Variants in EPC2 observed in about 807,000 individuals in gnomAD.
The protein encoded by EPC2 is enhancer of polycomb homolog 2.
A neutral mutation model predicts 92.1 loss-of-function variants in EPC2; 14 were observed. That is an observed-to-expected ratio of 0.15 (90% confidence interval 0.10 to 0.24). The LOEUF (loss-of-function observed/expected upper bound fraction) is 0.24, where lower values mean the gene tolerates loss of function less well. Ranked by LOEUF, EPC2 falls within the 10% of genes least tolerant of loss-of-function variation. The pLI is 1.00. For missense variants in EPC2, 755 were observed against 971.5 expected (o/e 0.78, Z 2.96); for synonymous variants, 340 against 334.7 (o/e 1.02, Z -0.17).
intron 1 of EPC2, among the ~76,000 whole-genome samples, chr2:148,646,642 G>C (rs1683807840): frequency 6.6e-6 from 1 of 150,938 alleles, no homozygotes; most frequent in Admixed American, 6.6e-5. Context: ...GTTTTCCATG[G>C]GAAGGAAAAT....
chr2:148,778,100 A>G (rs1247176625), intron 10 of EPC2, among the ~76,000 whole-genome samples: 2 of 152,196 alleles, frequency 1.3e-5, no homozygotes, highest in African/African-American at 4.8e-5. Context: ...GAGTATTGAA[A>G]TACTCCTACC....
chr2:148,683,674 T>C (rs1305434831), intron 1 of EPC2, among the ~76,000 whole-genome samples: 4 of 152,334 alleles, frequency 2.6e-5, no homozygotes, highest in African/African-American at 9.6e-5. Flanking sequence ...AGAATAATGG[T>C]CTTCAACTCT....
chr2:148,653,855 T>C (rs1337573366), intron 1 of EPC2, among the ~76,000 whole-genome samples: 1 of 152,156 alleles, frequency 6.6e-6, no homozygotes, highest in Non-Finnish European at 1.5e-5. Flanking sequence ...ACTTGCCTTA[T>C]GGGTGAGGTA....
At chr2:148,764,673 C>T (rs1367630513) in intron 6 of EPC2, among the ~76,000 whole-genome samples, 1 of 152,014 alleles carries the variant, frequency 6.6e-6, no homozygotes, top group African/African-American at 2.4e-5. Flanking sequence ...CTTTTAAATA[C>T]TGGATTACAT....
intron 3 of EPC2, among the ~76,000 whole-genome samples, chr2:148,751,528 T>C (rs560787561): frequency 1.3e-4 from 20 of 152,228 alleles, no homozygotes; most frequent in African/African-American, 4.6e-4. Context: ...TTATTTTTAA[T>C]TTTTTTAGAG....
At chr2:148,670,428 A>G (rs1434802112) in intron 1 of EPC2, among the ~76,000 whole-genome samples, 1 of 151,872 alleles carries the variant, frequency 6.6e-6, no homozygotes, top group Non-Finnish European at 1.5e-5. Flanking sequence ...GTTTTTTAGT[A>G]TATTCACAAT....
chr2:148,738,459 A>G (rs181497915), intron 2 of EPC2, among the ~76,000 whole-genome samples: 2 of 152,362 alleles, frequency 1.3e-5, no homozygotes, highest in East Asian at 3.9e-4. Flanking sequence ...TAGAAAAATT[A>G]TAGTGTGGTT....
At chr2:148,709,157 C>CA (rs1310565594) in intron 2 of EPC2, among the ~76,000 whole-genome samples, 2 of 152,160 alleles carry the variant, frequency 1.3e-5, no homozygotes, top group Non-Finnish European at 2.9e-5. Context: ...TCTCAGGATA[C>CA]AAAATCAGTA....
chr2:148,674,936 T>A (rs565501279), intron 1 of EPC2, among the ~76,000 whole-genome samples: 4 of 152,360 alleles, frequency 2.6e-5, no homozygotes, highest in South Asian at 4.1e-4. Flanking sequence ...CTTCGTAGTC[T>A]TTTGTTCCTA....
chr2:148,778,637 C>T (rs532247213), intron 10 of EPC2, among the ~76,000 whole-genome samples: 2 of 149,526 alleles, frequency 1.3e-5, no homozygotes, highest in African/African-American at 4.9e-5. Flanking sequence ...ACCACTTTTC[C>T]TCCTCCCTGA....
At position 148,654,642 on chromosome 2, in the gene EPC2, A is replaced by T. The variant is rs543665503; in HGVS notation, c.153+9472A>T. Among the ~76,000 whole-genome samples, 5 of 152,324 alleles carry T rather than the reference A, an allele frequency of 3.3e-5. No homozygotes were observed. In the South Asian group the frequency reaches 1.0e-3, roughly 32 times the overall value. On this transcript the variant is annotated intron_variant, in intron 1 of 13. Coordinates refer to ENST00000258484, the MANE Select transcript of EPC2 (RefSeq NM_015630.4). ...CACTGCACGCCAGCCTGGATGACAG[A>T]GTGAGACTGAGGCCCTGTCTCTTAG... is the stretch of plus-strand genomic sequence containing the variant.
At position 148,733,479 on chromosome 2, in the gene EPC2, A is replaced by ATTTTTTTTTTTTTTTTTTTTTTTTTT. The variant is rs34219179; in HGVS notation, c.314-10132_314-10107dup. Among the ~76,000 whole-genome samples, 4 of 26,648 alleles carry ATTTTTTTTTTTTTTTTTTTTTTTTTT rather than the reference A, an allele frequency of 1.5e-4. 2 individuals are homozygous for ATTTTTTTTTTTTTTTTTTTTTTTTTT. The highest frequency in any genetic ancestry group is 5.2e-4 in the African/African-American group (4 of 7,692). The allele number at this position is 26,648 out of a possible 152,430, so 17.5% of individuals were successfully genotyped here. Reference sequence around the variant, plus strand: ...CTTTCTCTTTTCTTTCTCTCTCTGGATTTTTTTTTTTTTTTTTTTTTTTTT... The same window carrying ATTTTTTTTTTTTTTTTTTTTTTTTTT: ...CTTTCTCTTTTCTTTCTCTCTCTGGATTTTTTTTTTTTTTTTTTTTTTTTTTTTTTTTTTTTTTTTTTTTTTTTTTT... On this transcript the variant is annotated intron_variant, in intron 2 of 13. Coordinates refer to ENST00000258484, the MANE Select transcript of EPC2 (RefSeq NM_015630.4).
intron 4 of EPC2, among the ~76,000 whole-genome samples, 161 bp from the exon 5 acceptor site, chr2:148,761,621 A>G (rs926026239): frequency 1.3e-5 from 2 of 152,102 alleles, no homozygotes; most frequent in Non-Finnish European, 2.9e-5. Flanking sequence ...ATATTTTCAG[A>G]GTTAAATAGT....
chr2:148,773,133 T>C (rs1683559878), intron 10 of EPC2, among the ~76,000 whole-genome samples: 1 of 152,142 alleles, frequency 6.6e-6, no homozygotes, highest in East Asian at 1.9e-4. Flanking sequence ...ATGTTGTATA[T>C]ATTGTTATAT....
At position 148,754,226 on chromosome 2, in the gene EPC2, G is replaced by A. The variant is rs1683137373; in HGVS notation, c.666+93G>A. ...ATAACTTGAATAATTTTAACATAAT[G>A]GTAGCTAATGGCATTGATGACTTTC... On this transcript the variant is annotated intron_variant, in intron 4 of 13. Coordinates refer to ENST00000258484, the MANE Select transcript of EPC2 (RefSeq NM_015630.4). 4 of 953,532 alleles carry A rather than the reference G, an allele frequency of 4.2e-6. No homozygotes were observed. In the South Asian group the frequency reaches 5.5e-5, roughly 13 times the overall value. The allele number at this position is 953,532 out of a possible 1,614,324, so 59.1% of individuals were successfully genotyped here. A position where few individuals can be genotyped will look rare whatever the true frequency, so the allele number is the denominator to read the frequency against.
At chr2:148,712,409 C>G (rs530222909) in intron 2 of EPC2, among the ~76,000 whole-genome samples, 1 of 151,830 alleles carries the variant, frequency 6.6e-6, no homozygotes, top group Non-Finnish European at 1.5e-5. Flanking sequence ...TGCTGTCATT[C>G]GACACACAGA....
At chr2:148,663,193 T>TATTA (rs1559140910) in intron 1 of EPC2, among the ~76,000 whole-genome samples, 1 of 98,636 alleles carries the variant, frequency 1.0e-5, no homozygotes, top group Non-Finnish European at 2.2e-5. Context: ...ACTGTGTTTT[T>TATTA]GTATTATTAT....
intron 2 of EPC2, among the ~76,000 whole-genome samples, chr2:148,697,016 G>C (rs184346847): frequency 1.9e-4 from 29 of 152,290 alleles, no homozygotes; most frequent in Admixed American, 1.4e-3. Context: ...ATCCTGTTAT[G>C]GTTTGCATAC....
intron 1 of EPC2, among the ~76,000 whole-genome samples, chr2:148,668,002 G>T (rs1181271978): frequency 6.6e-6 from 1 of 152,040 alleles, no homozygotes. Context: ...AGGTTCAAGC[G>T]ATTCTCCTGC....
Sources: gnomAD v4.1 joint callset for allele counts (sites outside exome capture counted in the v4.1 genomes callset) on GRCh38, gnomAD v4.1.1 for gene constraint, MANE v1.5 for transcripts, NCBI Gene and HGNC (gene_info 2026-07-23, HGNC 2026-07-21) for gene names.